CRK: variants seen among roughly 807,000 people sequenced by gnomAD.
The protein encoded by CRK is CRK proto-oncogene, adaptor protein.
In CRK, 4 loss-of-function variants were observed where a neutral mutation model predicts 29.8. The observed-to-expected ratio is 0.13, with a 90% CI of 0.07 to 0.31. CRK has a LOEUF of 0.31. CRK is among the 10% of genes least tolerant of loss of function. CRK has a pLI of 1.00. For synonymous variants in CRK, 153 were observed against 164.9 expected (o/e 0.93, Z 0.55); for missense variants, 274 against 396.5 (o/e 0.69, Z 2.62).
chr17:1,432,947 CTTT>C (rs1432676231), intron 2 of CRK, among the ~76,000 whole-genome samples: 4 of 152,114 alleles, frequency 2.6e-5, no homozygotes, highest in African/African-American at 9.7e-5. Context: ...TTCATCTTCA[CTTT>C]TTTAGGAAGC....
intron 1 of CRK, among the ~76,000 whole-genome samples, chr17:1,438,399 G>T (rs575737267): frequency 5.9e-5 from 9 of 152,022 alleles, no homozygotes; most frequent in Non-Finnish European, 1.3e-4. Flanking sequence ...CAAAGTGTTG[G>T]GATTACAGGG....
rs929982316 is a variant in CRK, at chr17:1,448,204, C to T, written c.241+7673G>A. ...GTTCTAAAGATGGTGGGTATGAGGA[C>T]GGTCCTTTGCAGGTTTGGTGCATTG... is the stretch of plus-strand genomic sequence containing the variant. On this transcript the variant is annotated intron_variant, in intron 1 of 2. Coordinates refer to ENST00000300574, the MANE Select transcript of CRK (RefSeq NM_016823.4). 9.2e-5 allele frequency among the ~76,000 whole-genome samples: 14 copies of T among 152,188 alleles called. 1 individual carries two copies. The highest frequency in any genetic ancestry group is 3.4e-4 in the African/African-American group (14 of 41,534).
At chr17:1,428,263 C>CAT (rs1409419393) in intron 2 of CRK, among the ~76,000 whole-genome samples, 11 of 150,950 alleles carry the variant, frequency 7.3e-5, no homozygotes, top group Middle Eastern at 3.4e-3. Flanking sequence ...GGACTACAGG[C>CAT]GCCCGCCACC....
In CRK at chr17:1,456,219, G is replaced by C. The variant is rs2074056602; in HGVS notation, c.-102C>G. 17 of 1,302,630 alleles carry C rather than the reference G, an allele frequency of 1.3e-5. No individual in the cohort carries two copies. The highest frequency in any genetic ancestry group is 1.6e-5 in the African/African-American group (1 of 64,150). The allele number at this position is 1,302,630 out of a possible 1,614,324, so 80.7% of individuals were successfully genotyped here. On this transcript the variant is annotated 5_prime_UTR_variant, in exon 1 of 3. Transcript: ENST00000300574. Reference sequence around the variant, plus strand: ...GACCGGCTCCGGTTTCAGCTTCACAGCAGCGCCCGAAATGGCGGCGGCAGC... The same window carrying C: ...GACCGGCTCCGGTTTCAGCTTCACACCAGCGCCCGAAATGGCGGCGGCAGC...
chr17:1,437,686 CT>C (rs1203704767), intron 1 of CRK, among the ~76,000 whole-genome samples: 1 of 151,496 alleles, frequency 6.6e-6, no homozygotes, highest in Non-Finnish European at 1.5e-5. Flanking sequence ...CCAAATCTCA[CT>C]GTGTCGCCCA....
At chr17:1,437,272 G>T (rs951367396) in intron 1 of CRK, 117 bp from the exon 2 acceptor site, 7 of 1,124,300 alleles carry the variant, frequency 6.2e-6, no homozygotes, top group Non-Finnish European at 6.1e-6. Context: ...GGCTGGTCTT[G>T]ACCTCCGGGG....
At chr17:1,454,736 G>A (rs995223419) in intron 1 of CRK, among the ~76,000 whole-genome samples, 2 of 152,152 alleles carry the variant, frequency 1.3e-5, no homozygotes, top group African/African-American at 2.4e-5. Context: ...GTGAAGGCAC[G>A]AGGACTCCTG....
intron 1 of CRK, among the ~76,000 whole-genome samples, chr17:1,441,011 G>A (rs911070542): frequency 7.9e-5 from 12 of 151,970 alleles, no homozygotes; most frequent in African/African-American, 2.9e-4. Flanking sequence ...CCTCAGCTGA[G>A]TGCAACCTCT....
chr17:1,442,218 A>C (rs1483108854), intron 1 of CRK, among the ~76,000 whole-genome samples: 5 of 150,242 alleles, frequency 3.3e-5, no homozygotes, highest in Admixed American at 2.0e-4. Context: ...GCAGTGGCAT[A>C]ATCTCAGCTC....
intron 1 of CRK, among the ~76,000 whole-genome samples, chr17:1,454,062 C>T (rs991583506): frequency 5.3e-5 from 8 of 151,410 alleles, no homozygotes; most frequent in Admixed American, 1.3e-4. Context: ...ATTAGCTGGG[C>T]GTGGTGGTGA....
chr17:1,434,020 T>A (rs2073868249), intron 2 of CRK, among the ~76,000 whole-genome samples: 1 of 152,084 alleles, frequency 6.6e-6, no homozygotes, highest in African/African-American at 2.4e-5. Flanking sequence ...CTGTTGTTTT[T>A]GCAGCTTTAT....
chr17:1,452,959 G>A (rs2074029963), intron 1 of CRK, among the ~76,000 whole-genome samples: 1 of 152,016 alleles, frequency 6.6e-6, no homozygotes, highest in South Asian at 2.1e-4. Flanking sequence ...ATTTTCAACA[G>A]TTAACCAGGC....
chr17:1,448,405 A>G (rs1336757253), intron 1 of CRK, among the ~76,000 whole-genome samples: 1 of 151,934 alleles, frequency 6.6e-6, no homozygotes, highest in Non-Finnish European at 1.5e-5. Context: ...CAGGCAAATC[A>G]CTGAGGTCAG....
At chr17:1,431,495 G>A (rs2073844634) in intron 2 of CRK, among the ~76,000 whole-genome samples, 1 of 152,062 alleles carries the variant, frequency 6.6e-6, no homozygotes, top group Admixed American at 6.6e-5. Flanking sequence ...GCAGAGGGGA[G>A]TGGGTCACGA....
Position 1,423,554 on chromosome 17 carries a change from G to T in CRK, c.874C>A (p.Arg292Ser), listed in dbSNP as rs765221724. The T allele has an allele frequency of 2.5e-6, 4 of 1,613,920 alleles. No individual in the cohort carries two copies. In the South Asian group the frequency reaches 4.4e-5, roughly 18 times the overall value. ...KRGHFPFTHV[R>S]LLDQQNPDED... ...TCGGGATTCTGTTGATCCAGCAGAC[G>T]GACATGTGTGAATGGGAAGTGACCT... Residue 292 changes from arginine (R) to serine (S), a missense_variant, in exon 3 of 3, where the codon CGT becomes AGT. Physicochemically the swap from Arg to Ser is moderately radical, Grantham distance 110. Coordinates refer to ENST00000300574, the MANE Select transcript of CRK (RefSeq NM_016823.4).
rs538319727 is a variant in CRK, at chr17:1,421,929, G to A, written c.*1584C>T. 2.6e-5 allele frequency: 4 copies of A among 152,036 alleles called. No individual in the cohort carries two copies. Among genetic ancestry groups the A allele is most frequent in the African/African-American group, 4.8e-5 (2 of 41,380 alleles). The allele number at this position is 152,036 out of a possible 1,614,324, so 9.4% of individuals were successfully genotyped here. A position where few individuals can be genotyped will look rare whatever the true frequency, so the allele number is the denominator to read the frequency against. The stretch of plus-strand genomic sequence containing the variant: ...ACTAACGTGGAAGTTTCATGCTGTC[G>A]TCTAAATAGCCTAGGTCATTTTTGG... On this transcript the variant is annotated 3_prime_UTR_variant, in exon 3 of 3. Coordinates refer to ENST00000300574, the MANE Select transcript of CRK (RefSeq NM_016823.4).
At chr17:1,423,687 G>C in intron 2 of CRK, 37 bp from the exon 3 acceptor site, 1 of 1,610,352 alleles carries the variant, frequency 6.2e-7, no homozygotes, top group Non-Finnish European at 8.5e-7. Context: ...TTTATTTCCA[G>C]GTAGGAATGC....
chr17:1,438,643 C>T (rs1211450549), intron 1 of CRK, among the ~76,000 whole-genome samples: 1 of 151,854 alleles, frequency 6.6e-6, no homozygotes, highest in Non-Finnish European at 1.5e-5. Context: ...GGTTAAAACA[C>T]TCAACATCTG....
chr17:1,444,604 G>GA (rs2073959988), intron 1 of CRK, among the ~76,000 whole-genome samples: 1 of 147,652 alleles, frequency 6.8e-6, no homozygotes, highest in East Asian at 2.0e-4. Flanking sequence ...GCGGGGGGGG[G>GA]GATCACCTGA....
Sources: allele counts gnomAD v4.1 joint callset (sites outside exome capture counted in the v4.1 genomes callset), GRCh38; gene constraint gnomAD v4.1.1; transcripts MANE v1.5; gene names NCBI Gene and HGNC (gene_info 2026-07-23, HGNC 2026-07-21).